RSRC1: variants seen among roughly 807,000 people sequenced by gnomAD.
RSRC1 encodes the protein arginine and serine rich coiled-coil 1.
In RSRC1, 39 loss-of-function variants were observed where a neutral mutation model predicts 49.1. The ratio of observed to expected loss-of-function variants is 0.79; its 90% CI spans 0.61 to 1.04. RSRC1 has a LOEUF of 1.04. RSRC1 is among the 50% of genes least tolerant of loss of function. The probability of loss-of-function intolerance (pLI) is 0.00; values close to 1 mark genes in which losing one functional copy is unlikely to be tolerated. For synonymous variants in RSRC1, 143 were observed against 130.8 expected (o/e 1.09, Z -0.63); for missense variants, 388 against 402.4 (o/e 0.96, Z 0.31).
intron 4 of RSRC1, among the ~76,000 whole-genome samples, chr3:158,288,835 G>A (rs73874361): frequency 8.4e-5 from 2 of 23,834 alleles, no homozygotes; most frequent in African/African-American, 1.9e-4. Context: ...CACGTTCCCC[G>A]CCCCCCCCCC....
At chr3:158,346,365 G>T (rs1432633060) in intron 5 of RSRC1, among the ~76,000 whole-genome samples, 1 of 152,110 alleles carries the variant, frequency 6.6e-6, no homozygotes, top group African/African-American at 2.4e-5. Context: ...TTCATCAAAA[G>T]TCCAGTTGGA....
intron 5 of RSRC1, among the ~76,000 whole-genome samples, chr3:158,313,649 A>C (rs1053098050): frequency 6.6e-6 from 1 of 152,236 alleles, no homozygotes; most frequent in Non-Finnish European, 1.5e-5. Flanking sequence ...CACAAAAACT[A>C]TCTCATGCAT....
intron 4 of RSRC1, among the ~76,000 whole-genome samples, chr3:158,224,087 A>G (rs699921): frequency 0.57 from 86,424 of 151,492 alleles, 25,021 homozygotes; most frequent in East Asian, 0.73. Context: ...GTTCACTGCT[A>G]TATCTGCAGA....
At chr3:158,231,374 G>T (rs1722943097) in intron 4 of RSRC1, among the ~76,000 whole-genome samples, 1 of 151,856 alleles carries the variant, frequency 6.6e-6, no homozygotes, top group Admixed American at 6.6e-5. Context: ...GCACTCAAGC[G>T]ATCATCCCAC....
intron 7 of RSRC1, among the ~76,000 whole-genome samples, chr3:158,514,312 T>C (rs1740373199): frequency 6.6e-6 from 1 of 152,246 alleles, no homozygotes; most frequent in Admixed American, 6.5e-5. Flanking sequence ...TTGTGGTATG[T>C]TGTGTCTTTC....
At chr3:158,271,547 A>G (rs1362102572) in intron 4 of RSRC1, among the ~76,000 whole-genome samples, 2 of 152,016 alleles carry the variant, frequency 1.3e-5, no homozygotes, top group Admixed American at 6.6e-5. Flanking sequence ...TGCACCATAT[A>G]TTTTTTTGTA....
intron 7 of RSRC1, among the ~76,000 whole-genome samples, chr3:158,494,308 G>A (rs1739213937): frequency 6.6e-6 from 1 of 152,122 alleles, no homozygotes; most frequent in Non-Finnish European, 1.5e-5. Context: ...GAAAAGTTTG[G>A]TAAAAATATG....
At chr3:158,528,230 G>A (rs976749564) in intron 7 of RSRC1, among the ~76,000 whole-genome samples, 1 of 151,906 alleles carries the variant, frequency 6.6e-6, no homozygotes, top group African/African-American at 2.4e-5. Flanking sequence ...TAATTTATGA[G>A]CTCAGCGTAA....
At chr3:158,326,838 G>A (rs560477020) in intron 5 of RSRC1, among the ~76,000 whole-genome samples, 13 of 152,256 alleles carry the variant, frequency 8.5e-5, no homozygotes, top group Admixed American at 2.0e-4. Flanking sequence ...GGTACAATTC[G>A]GCTGTGAATC....
chr3:158,237,856 G>T (rs745614360), intron 4 of RSRC1, among the ~76,000 whole-genome samples: 1 of 152,138 alleles, frequency 6.6e-6, no homozygotes. Context: ...AATAGGAGTC[G>T]TGAGAGAGGG....
intron 6 of RSRC1, among the ~76,000 whole-genome samples, chr3:158,403,108 CT>C (rs1733979250): frequency 6.6e-6 from 1 of 151,724 alleles, no homozygotes. Flanking sequence ...TTAGTGGTAT[CT>C]TTATAACCTT....
intron 6 of RSRC1, among the ~76,000 whole-genome samples, chr3:158,428,875 G>A (rs578044914): frequency 6.6e-6 from 1 of 152,000 alleles, no homozygotes; most frequent in South Asian, 2.1e-4. Context: ...CTACTAGCGA[G>A]CACAGCTATG....
At chr3:158,491,111 A>T (rs1208853531) in intron 7 of RSRC1, among the ~76,000 whole-genome samples, 3 of 152,146 alleles carry the variant, frequency 2.0e-5, no homozygotes, top group Admixed American at 1.3e-4. Context: ...GAAACTGATA[A>T]TTTTATCATA....
chr3:158,192,297 T>G (rs553533999), intron 3 of RSRC1, among the ~76,000 whole-genome samples: 1 of 152,214 alleles, frequency 6.6e-6, no homozygotes, highest in South Asian at 2.1e-4. Flanking sequence ...GCTATCATAG[T>G]TTATTGAACC....
chr3:158,154,138 T>C (rs1011087311), intron 3 of RSRC1, among the ~76,000 whole-genome samples: 1 of 152,218 alleles, frequency 6.6e-6, no homozygotes, highest in African/African-American at 2.4e-5. Context: ...ATAGAAGTTA[T>C]GTTTACTCTA....
intron 5 of RSRC1, among the ~76,000 whole-genome samples, chr3:158,331,607 A>T (rs909858081): frequency 6.6e-6 from 1 of 151,994 alleles, no homozygotes; most frequent in African/African-American, 2.4e-5. Context: ...GTGAATTCTT[A>T]TTCTGTTAGT....
intron 4 of RSRC1, among the ~76,000 whole-genome samples, chr3:158,281,471 A>G (rs987597592): frequency 3.3e-5 from 5 of 152,132 alleles, no homozygotes; most frequent in Non-Finnish European, 7.4e-5. Flanking sequence ...AGATGGATTA[A>G]GAAGAAATTA....
At chr3:158,276,123 G>A (rs1725795167) in intron 4 of RSRC1, 7 of 921,848 alleles carry the variant, frequency 7.6e-6, no homozygotes, top group East Asian at 2.4e-5. Flanking sequence ...CCTCTGCAAC[G>A]GACTGAAGCT....
chr3:158,468,665 T>G (rs1476268119), intron 7 of RSRC1, among the ~76,000 whole-genome samples: 1 of 152,190 alleles, frequency 6.6e-6, no homozygotes, highest in Non-Finnish European at 1.5e-5. Flanking sequence ...TGACAGGTAT[T>G]AGGTAATATT....
Sources: gnomAD v4.1 joint callset for allele counts (sites outside exome capture counted in the v4.1 genomes callset) on GRCh38, gnomAD v4.1.1 for gene constraint, MANE v1.5 for transcripts, NCBI Gene and HGNC (gene_info 2026-07-23, HGNC 2026-07-21) for gene names.